ZNF579: variants seen among roughly 807,000 people sequenced by gnomAD.
ZNF579 encodes zinc finger protein 579.
ZNF579 carries 3 observed loss-of-function variants against 5.7 expected under a neutral mutation model. The observed-to-expected ratio is 0.53, with a 90% CI of 0.24 to 1.36. The LOEUF is 1.36. ZNF579 is among the 40% of genes most tolerant of loss of function. The pLI, the probability that ZNF579 is intolerant of heterozygous loss-of-function variation, is 0.16. For missense variants in ZNF579, 679 were observed against 877.6 expected (o/e 0.77, Z 2.86); for synonymous variants, 454 against 409.0 (o/e 1.11, Z -1.33).
rs1220618608 is a variant in ZNF579, at chr19:55,579,645, T to C, written c.-2-4A>G. 10 of 1,438,772 alleles carry C rather than the reference T, an allele frequency of 7.0e-6. No homozygotes were observed. The highest frequency in any genetic ancestry group is 7.2e-6 in the Non-Finnish European group (8 of 1,105,138). The allele number at this position is 1,438,772 out of a possible 1,614,324, so 89.1% of individuals were successfully genotyped here. On this transcript the variant is annotated splice_region_variant and splice_polypyrimidine_tract_variant and intron_variant, in intron 1 of 1. Transcript: ENST00000325421. ...GGAGGAGGCTGCGGATCCATGCCTG[T>C]GGGGAGAGAGGGGAGAGATGGGAAG...
rs1599971971 is a variant in ZNF579, at chr19:55,579,980, G to C, written c.-2-339C>G. 5 of 261,256 alleles carry C rather than the reference G, an allele frequency of 1.9e-5. No individual in the cohort carries two copies. In the East Asian group the frequency reaches 3.3e-4, roughly 17 times the overall value. The allele number at this position is 261,256 out of a possible 1,614,324, so 16.2% of individuals were successfully genotyped here. The stretch of plus-strand genomic sequence containing the variant: ...TGAAAGGCAGAGCAGAGAAGAGACA[G>C]AGGAGAGTGAGGAACACCCAGCAGA... On this transcript the variant is annotated intron_variant, in intron 1 of 1. Transcript: ENST00000325421.
chr19:55,578,953 C>A lies in ZNF579; in HGVS notation c.687G>T (p.Thr229=), dbSNP rs1021427697. 1.4e-5 allele frequency: 22 copies of A among 1,553,076 alleles called. No individual in the cohort carries two copies. The Admixed American group carries it at 1.7e-4, about 12-fold the overall frequency. Residue 229 remains threonine (T), a synonymous_variant, in exon 2 of 2, where the codon ACG becomes ACT. Coordinates refer to ENST00000325421, the MANE Select transcript of ZNF579 (RefSeq NM_152600.3). The stretch of plus-strand genomic sequence containing the variant: ...CTTCGCGGCAGCGCAGACACAGCAG[C>A]GTCCAGTCTGCCTGGAGCAGGACCT... ...EKQVLLQADW[T]LLCLRCREAF...
Position 55,579,946 on chromosome 19 carries a change from A to G in ZNF579, c.-2-305T>C, listed in dbSNP as rs529467644. On this transcript the variant is annotated intron_variant, in intron 1 of 1. Coordinates refer to ENST00000325421, the MANE Select transcript of ZNF579 (RefSeq NM_152600.3). ...GACAGAGACCAGGAGTCGCAGAAAG[A>G]CAGGATGGTGAAAGGCAGAGCAGAG... The G allele has an allele frequency of 2.1e-4, 69 of 324,280 alleles. 2 individuals are homozygous for G. The South Asian group carries it at 8.5e-3, about 40-fold the overall frequency. 20.1% of individuals were successfully genotyped at this position (324,280 alleles called of 1,614,324 possible).
Position 55,578,515 on chromosome 19 carries a change from A to G in ZNF579, c.1125T>C (p.Ala375=). ...AGCGGGGCTCCCCGGCGGGGGGCCG[A>G]GCCGGGGCGGCGTCGCCTCCGTTCT... ...EGQNGGDAAP[A]RPPAGEPRFW... The change falls in exon 2 of 2, where the codon GCT becomes GCC. Residue 375 remains alanine (A), a synonymous_variant. Coordinates refer to ENST00000325421, the MANE Select transcript of ZNF579 (RefSeq NM_152600.3). 7.1e-7 allele frequency: 1 copy of G among 1,408,042 alleles called. No homozygotes were observed. Among genetic ancestry groups the G allele is most frequent in the Non-Finnish European group, 9.1e-7 (1 of 1,093,694 alleles). 87.2% of individuals were successfully genotyped at this position (1,408,042 alleles called of 1,614,324 possible).
Position 55,578,656 on chromosome 19 carries a change from C to A in ZNF579, c.984G>T (p.Pro328=). 2.0e-6 allele frequency: 3 copies of A among 1,529,732 alleles called. No individual in the cohort carries two copies. Among genetic ancestry groups the A allele is most frequent in the Non-Finnish European group, 2.6e-6 (3 of 1,149,036 alleles). 94.8% of individuals were successfully genotyped at this position (1,529,732 alleles called of 1,614,324 possible). ...CGTCCTTCTTGCCCGCCGCGGGCAG[C>A]GGGGCCAGCAGGCTGAGGGGGCCGT... ...RVHGPLSLLA[P]LPAAGKKDDK... Residue 328 remains proline, a synonymous_variant, in exon 2 of 2, where the codon CCG becomes CCT. Coordinates refer to ENST00000325421, the MANE Select transcript of ZNF579 (RefSeq NM_152600.3).
At chr19:55,580,337 G>A (rs74431074) in intron 1 of ZNF579, among the ~76,000 whole-genome samples, 4,301 of 152,164 alleles carry the variant, frequency 0.028, 226 homozygotes, top group African/African-American at 0.099. Flanking sequence ...TCGGGGAGTA[G>A]GAGGGTTCAG....
In ZNF579 at chr19:55,578,576, GC is replaced by G; in HGVS notation, c.1063del (p.Ala355ArgfsTer50). 6.9e-7 allele frequency: 1 copy of G among 1,448,022 alleles called. No individual in the cohort carries two copies. The highest frequency in any genetic ancestry group is 9.0e-7 in the Non-Finnish European group (1 of 1,108,414). 89.7% of individuals were successfully genotyped at this position (1,448,022 alleles called of 1,614,324 possible). ...CCCTTCCGAGGCACCCCCGCACTCCGCCCCCTCGCCCCCCTCCGGCCCCTTG... is the reference window on the plus strand; with the variant it reads ...CCCTTCCGAGGCACCCCCGCACTCCGCCCCTCGCCCCCCTCCGGCCCCTTG... ...SAKGPEGGEG[A>X]ECGGASEGGE... On this transcript the variant is annotated frameshift_variant, in exon 2 of 2. Transcript: ENST00000325421. LOFTEE classifies it low-confidence loss of function (END_TRUNC).
chr19:55,579,893 G>A, intron 1 of ZNF579: 2 of 388,570 alleles, frequency 5.1e-6, no homozygotes, highest in Non-Finnish European at 9.1e-6. Flanking sequence ...AGGCAGAGAT[G>A]GGAGACACAG....
At chr19:55,579,668 A>G in intron 1 of ZNF579, 27 bp from the exon 2 acceptor site, 1 of 1,410,020 alleles carries the variant, frequency 7.1e-7, no homozygotes, top group Non-Finnish European at 9.2e-7. Context: ...GAGAGATGGG[A>G]AGCGGGGCAG....
rs1979464425 is a variant in ZNF579, at chr19:55,578,302, G to A, written c.1338C>T (p.Cys446=). Residue 446 remains cysteine (C), a synonymous_variant, in exon 2 of 2, where the codon TGC becomes TGT. Coordinates refer to ENST00000325421, the MANE Select transcript of ZNF579 (RefSeq NM_152600.3). Reference sequence around the variant, plus strand: ...TGTAGGCGCGCGAGAAGCGGCGCGGGCAGCGGGGGCACGGGTGCGGGGCTG... The same window carrying A: ...TGTAGGCGCGCGAGAAGCGGCGCGGACAGCGGGGGCACGGGTGCGGGGCTG... ...GGPAPHPCPR[C]PRRFSRAYSL... is the part of the protein sequence containing the mutation. 3.1e-6 allele frequency: 4 copies of A among 1,292,248 alleles called. No individual in the cohort carries two copies. Among genetic ancestry groups the A allele is most frequent in the South Asian group, 4.1e-5 (2 of 49,102 alleles). 80.0% of individuals were successfully genotyped at this position (1,292,248 alleles called of 1,614,324 possible).
rs1599968934 is a variant in ZNF579, at chr19:55,578,603, G to T, written c.1037C>A (p.Ala346Asp). The T allele has an allele frequency of 1.3e-6, 2 of 1,518,122 alleles. No individual in the cohort carries two copies. Among genetic ancestry groups the T allele is most frequent in the Non-Finnish European group, 1.7e-6 (2 of 1,145,168 alleles). The allele number at this position is 1,518,122 out of a possible 1,614,324, so 94.0% of individuals were successfully genotyped here. Residue 346 changes from alanine (A) to aspartate (D), a missense_variant, in exon 2 of 2, where the codon GCC (alanine) becomes GAC (aspartate). Physicochemically the swap from Ala to Asp is moderately radical, Grantham distance 126 (BLOSUM62 -2). This residue lies in a region of ZNF579 where 114 missense variants were observed against 98.9 expected (regional missense o/e 1.15). Coordinates refer to ENST00000325421, the MANE Select transcript of ZNF579 (RefSeq NM_152600.3). The stretch of plus-strand genomic sequence containing the variant: ...CCCCTCGCCCCCCTCCGGCCCCTTG[G>T]CTGAGTTCCGTGCACCCGAGGCCTT... ...DDKASGARNS[A>D]KGPEGGEGAE...
chr19:55,578,913 C>T lies in ZNF579; in HGVS notation c.727G>A (p.Gly243Ser), dbSNP rs779941802. 1 of 1,585,182 alleles carries T rather than the reference C, an allele frequency of 6.3e-7. No individual in the cohort carries two copies. The highest frequency in any genetic ancestry group is 2.3e-5 in the East Asian group (1 of 43,726). Reference protein sequence around the residue: ...LRCREAFATKGELKAHPCLRP... With the variant: ...LRCREAFATKSELKAHPCLRP... ...AGACACGGGTGCGCCTTGAGCTCGC[C>T]CTTGGTGGCGAAGGCTTCGCGGCAG... The change falls in exon 2 of 2, where the codon GGC becomes AGC. Residue 243 changes from glycine (G) to serine (S), a missense_variant. Coordinates refer to ENST00000325421, the MANE Select transcript of ZNF579 (RefSeq NM_152600.3).
At position 55,578,856 on chromosome 19, in the gene ZNF579, C is replaced by T; in HGVS notation, c.784G>A (p.Gly262Arg). Residue 262 changes from glycine (G) to arginine (R), a missense_variant, in exon 2 of 2, where the codon GGG becomes AGG. Coordinates refer to ENST00000325421, the MANE Select transcript of ZNF579 (RefSeq NM_152600.3). Reference protein sequence around the residue: ...RPEGEQEGEGGPPPRPKRHQC... With the variant: ...RPEGEQEGEGRPPPRPKRHQC... ...TGTCGCTTGGGGCGTGGCGGGGGCCCCCCTTCCCCTTCCTGTTCGCCCTCG... is the reference window on the plus strand; with the variant it reads ...TGTCGCTTGGGGCGTGGCGGGGGCCTCCCTTCCCCTTCCTGTTCGCCCTCG... 1.3e-6 allele frequency: 2 copies of T among 1,597,560 alleles called. No individual in the cohort carries two copies. The highest frequency in any genetic ancestry group is 2.7e-5 in the African/African-American group (2 of 74,282).
chr19:55,577,876 G>A lies in ZNF579; in HGVS notation c.*75C>T, dbSNP rs1257800085. On this transcript the variant is annotated 3_prime_UTR_variant, in exon 2 of 2. Coordinates refer to ENST00000325421, the MANE Select transcript of ZNF579 (RefSeq NM_152600.3). ...GACGGGTGGGTAGACAGAGGAGGTG[G>A]CTCCTTCAACTTCCCTCCTCCATTC... 2.6e-6 allele frequency: 4 copies of A among 1,531,112 alleles called. No individual in the cohort carries two copies. Among genetic ancestry groups the A allele is most frequent in the African/African-American group, 2.7e-5 (2 of 72,900 alleles). 94.8% of individuals were successfully genotyped at this position (1,531,112 alleles called of 1,614,324 possible).
At position 55,579,295 on chromosome 19, in the gene ZNF579, G is replaced by A; in HGVS notation, c.345C>T (p.Leu115=). Residue 115 remains leucine, a synonymous_variant, in exon 2 of 2, where the codon CTC becomes CTT. Coordinates refer to ENST00000325421, the MANE Select transcript of ZNF579 (RefSeq NM_152600.3). ...CPRTFPEPAQ[L]RRHLAQEHAG... Reference sequence around the variant, plus strand: ...CGTGCTCCTGAGCCAGGTGGCGCCTGAGCTGGGCCGGTTCTGGGAAGGTGC... The same window carrying A: ...CGTGCTCCTGAGCCAGGTGGCGCCTAAGCTGGGCCGGTTCTGGGAAGGTGC... 6.6e-7 allele frequency: 1 copy of A among 1,507,390 alleles called. No homozygotes were observed. Among genetic ancestry groups the A allele is most frequent in the Non-Finnish European group, 8.8e-7 (1 of 1,132,232 alleles). The allele number at this position is 1,507,390 out of a possible 1,614,324, so 93.4% of individuals were successfully genotyped here.
At chr19:55,580,505 AGGGGCTGGGGAGGG>A (rs1185231312) in intron 1 of ZNF579, among the ~76,000 whole-genome samples, 1 of 6,286 alleles carries the variant, frequency 1.6e-4, no homozygotes, top group Non-Finnish European at 3.0e-4. Flanking sequence ...CCGGTGGAGG[AGGGGCTGGGGAGGG>A]GGCTGGGCTC....
Position 55,577,798 on chromosome 19 carries a change from G to T in ZNF579, c.*153C>A. The T allele has an allele frequency of 7.3e-7, 1 of 1,375,948 alleles. No individual in the cohort carries two copies. Among genetic ancestry groups the T allele is most frequent in the East Asian group, 2.5e-5 (1 of 39,702 alleles). The allele number at this position is 1,375,948 out of a possible 1,614,324, so 85.2% of individuals were successfully genotyped here. On this transcript the variant is annotated 3_prime_UTR_variant, in exon 2 of 2. Transcript: ENST00000325421. ...GGGGTTCTGGGGGCGGGCGATGGGGGAGGAAGGGGCAGTCCAGGGCCCCCC... is the reference window on the plus strand; with the variant it reads ...GGGGTTCTGGGGGCGGGCGATGGGGTAGGAAGGGGCAGTCCAGGGCCCCCC...
At position 55,578,215 on chromosome 19, in the gene ZNF579, TGCCTGCAGC is replaced by T. The variant is rs1485712199; in HGVS notation, c.1416_1424del (p.Leu476_Ala478del). 6.8e-7 allele frequency: 1 copy of T among 1,464,014 alleles called. No individual in the cohort carries two copies. The highest frequency in any genetic ancestry group is 1.4e-5 in the African/African-American group (1 of 70,234). 90.7% of individuals were successfully genotyped at this position (1,464,014 alleles called of 1,614,324 possible). On this transcript the variant is annotated inframe_deletion, in exon 2 of 2. Coordinates refer to ENST00000325421, the MANE Select transcript of ZNF579 (RefSeq NM_152600.3). The stretch of plus-strand genomic sequence containing the variant: ...GCGACGTCGGGGCCTGGGCCTGCAG[TGCCTGCAGC>T]GCGGCGGCCCTCTCCAGCTCTGCGC...
In ZNF579 at chr19:55,579,108, C is replaced by G; in HGVS notation, c.532G>C (p.Glu178Gln). The G allele has an allele frequency of 6.5e-7, 1 of 1,526,942 alleles. No homozygotes were observed. The allele number at this position is 1,526,942 out of a possible 1,614,324, so 94.6% of individuals were successfully genotyped here. A position where few individuals can be genotyped will look rare whatever the true frequency, so the allele number is the denominator to read the frequency against. ...AAWPETWPAGEPSTLAAPTSA... is the reference protein window; with the variant it reads ...AAWPETWPAGQPSTLAAPTSA... ...GTGGGCGCAGCCAGCGTGGAAGGCT[C>G]CCCCGCAGGCCACGTCTCAGGCCAC... The change falls in exon 2 of 2, where the codon GAG becomes CAG. Residue 178 changes from glutamate to glutamine, a missense_variant. Physicochemically the swap from Glu to Gln is conservative, Grantham distance 29 (BLOSUM62 2). Around this residue, in one of 6 missense-constraint regions of ZNF579, gnomAD observed 209 missense variants for 223.4 expected, o/e 0.94. Transcript: ENST00000325421.
Sources: allele counts gnomAD v4.1 joint callset (sites outside exome capture counted in the v4.1 genomes callset), GRCh38; gene constraint gnomAD v4.1.1; regional missense constraint gnomAD v4.1.1; transcripts MANE v1.5; gene names NCBI Gene and HGNC (gene_info 2026-07-23, HGNC 2026-07-21).